The following TBC1D8 variants were observed in gnomAD, a reference collection of about 807,000 sequenced individuals.
TBC1D8 encodes the protein TBC1 domain family member 8, also known as BUB2-like protein 1.
TBC1D8 carries 65 observed loss-of-function variants against 118.8 expected under a neutral mutation model. The ratio of observed to expected loss-of-function variants is 0.55; its 90% CI spans 0.45 to 0.67. The LOEUF (loss-of-function observed/expected upper bound fraction) is 0.67. Ranked by LOEUF, TBC1D8 falls within the 30% of genes least tolerant of loss-of-function variation. The probability of loss-of-function intolerance (pLI) is 0.00; values close to 1 mark genes in which losing one functional copy is unlikely to be tolerated. For missense variants in TBC1D8, 1,376 were observed against 1,471.2 expected (o/e 0.94, Z 1.06); for synonymous variants, 566 against 595.8 (o/e 0.95, Z 0.73).
chr2:101,024,357 A>G (rs1393418223), intron 15 of TBC1D8, among the ~76,000 whole-genome samples: 1 of 149,916 alleles, frequency 6.7e-6, no homozygotes, highest in Non-Finnish European at 1.5e-5. Flanking sequence ...GTGGGTGTGG[A>G]GTGTGGGGAA....
intron 1 of TBC1D8, among the ~76,000 whole-genome samples, chr2:101,116,644 A>T (rs557915009): frequency 4.8e-5 from 7 of 145,384 alleles, no homozygotes; most frequent in East Asian, 4.0e-4. Context: ...AAAGTAGTGA[A>T]TTTTTTTTTT....
At chr2:101,030,618 T>C (rs1346081360) in intron 11 of TBC1D8, among the ~76,000 whole-genome samples, 1 of 152,252 alleles carries the variant, frequency 6.6e-6, no homozygotes, top group African/African-American at 2.4e-5. Context: ...TATTAAGTCA[T>C]ACATCTAACC....
intron 8 of TBC1D8, 122 bp from the exon 9 acceptor site, chr2:101,036,290 G>A: frequency 9.0e-6 from 10 of 1,110,398 alleles, no homozygotes; most frequent in Admixed American, 2.1e-5. Flanking sequence ...ACAGCAACGG[G>A]CAAGGACACC....
At chr2:101,015,462 C>T (rs1333532386) in intron 17 of TBC1D8, among the ~76,000 whole-genome samples, 1 of 152,186 alleles carries the variant, frequency 6.6e-6, no homozygotes, top group African/African-American at 2.4e-5. Context: ...CTTACTGTAA[C>T]TTTTTACTTT....
At chr2:101,071,813 GT>G (rs1003377765) in intron 2 of TBC1D8, among the ~76,000 whole-genome samples, 18 of 152,260 alleles carry the variant, frequency 1.2e-4, no homozygotes, top group Admixed American at 9.8e-4. Flanking sequence ...ATTTAAAAGT[GT>G]TTTTAAAGAT....
At chr2:101,083,323 T>G (rs189307225) in intron 2 of TBC1D8, among the ~76,000 whole-genome samples, 1 of 151,906 alleles carries the variant, frequency 6.6e-6, no homozygotes, top group African/African-American at 2.4e-5. Context: ...CAAAGGAGAG[T>G]TGGTGACAAG....
chr2:101,010,054 C>G (rs1421264610), intron 19 of TBC1D8, among the ~76,000 whole-genome samples: 1 of 151,892 alleles, frequency 6.6e-6, no homozygotes, highest in Non-Finnish European at 1.5e-5. Flanking sequence ...TCTCAATCTT[C>G]TGACCTCGTA....
At chr2:101,089,925 T>G (rs796068) in intron 2 of TBC1D8, among the ~76,000 whole-genome samples, 1 of 139,696 alleles carries the variant, frequency 7.2e-6, no homozygotes, top group African/African-American at 2.7e-5. Context: ...CGATGGTTTT[T>G]AAAAAAAAAA....
At chr2:101,099,673 C>T (rs1676699559) in intron 1 of TBC1D8, among the ~76,000 whole-genome samples, 1 of 152,170 alleles carries the variant, frequency 6.6e-6, no homozygotes, top group East Asian at 1.9e-4. Context: ...ATGATCAAGT[C>T]AGGTTCATCC....
chr2:101,078,669 T>C (rs1442752231), intron 2 of TBC1D8, among the ~76,000 whole-genome samples: 2 of 141,138 alleles, frequency 1.4e-5, no homozygotes, highest in East Asian at 2.2e-4. Context: ...CAGGTTTCCT[T>C]ACACTCTCCT....
intron 3 of TBC1D8, among the ~76,000 whole-genome samples, chr2:101,054,667 CT>C (rs146225304): frequency 4.7e-5 from 1 of 21,298 alleles, no homozygotes; most frequent in African/African-American, 1.7e-4. Context: ...ATTTTCTTTT[CT>C]TTTCTTTTTT....
At chr2:101,090,974 G>A (rs963435043) in intron 1 of TBC1D8, among the ~76,000 whole-genome samples, 1 of 152,138 alleles carries the variant, frequency 6.6e-6, no homozygotes, top group Non-Finnish European at 1.5e-5. Context: ...CTGCTCCAGG[G>A]TACTGTGAGA....
chr2:101,038,533 C>T lies in TBC1D8; in HGVS notation c.1203G>A (p.Ala401=), dbSNP rs540811181. Residue 401 remains alanine, a synonymous_variant, in exon 7 of 20, where the codon GCG becomes GCA. Transcript: ENST00000409318. ...ELRDRDSLVE[A]LLARLKQVHA... is the part of the protein sequence containing the mutation. ...GGACCTGCTTCAACCTCGCAAGCAGCGCCTCCACCAGGCTGTCTCGGTCCC... is the reference window on the plus strand; with the variant it reads ...GGACCTGCTTCAACCTCGCAAGCAGTGCCTCCACCAGGCTGTCTCGGTCCC... The T allele has an allele frequency of 2.5e-5, 41 of 1,613,778 alleles. No individual in the cohort carries two copies. Among genetic ancestry groups the T allele is most frequent in the East Asian group, 6.7e-5 (3 of 44,878 alleles).
chr2:101,103,856 A>C (rs900219691), intron 1 of TBC1D8, among the ~76,000 whole-genome samples: 1 of 152,312 alleles, frequency 6.6e-6, no homozygotes, highest in Admixed American at 6.5e-5. Flanking sequence ...AGTAAGATAA[A>C]AAGTGAAAAT....
chr2:101,033,437 C>T lies in TBC1D8; in HGVS notation c.1818+107G>A, dbSNP rs754243593. 1.0e-4 allele frequency: 139 copies of T among 1,384,930 alleles called. No homozygotes were observed. The highest frequency in any genetic ancestry group is 2.6e-4 in the Admixed American group (14 of 53,176). The allele number at this position is 1,384,930 out of a possible 1,614,324, so 85.8% of individuals were successfully genotyped here. A position where few individuals can be genotyped will look rare whatever the true frequency, so the allele number is the denominator to read the frequency against. On this transcript the variant is annotated intron_variant, in intron 10 of 19. Transcript: ENST00000409318. ...AGGGACCGAGTACAGCGCCTTCACA[C>T]GACAACACTCAGGACCAGATGACTG...
chr2:101,145,093 T>C (rs1376493853), intron 1 of TBC1D8, among the ~76,000 whole-genome samples: 1 of 152,146 alleles, frequency 6.6e-6, no homozygotes, highest in African/African-American at 2.4e-5. Context: ...CCTAAGGAGT[T>C]CCAATTAGGT....
At chr2:101,054,390 G>A (rs1215013812) in intron 3 of TBC1D8, 54 bp from the exon 4 acceptor site, 1 of 1,531,872 alleles carries the variant, frequency 6.5e-7, no homozygotes, top group Non-Finnish European at 8.8e-7. Context: ...GGGAAGGCAG[G>A]GGGTGCAAGG....
chr2:101,028,410 C>A lies in TBC1D8; in HGVS notation c.2245G>T (p.Glu749Ter). 1 of 1,594,330 alleles carries A rather than the reference C, an allele frequency of 6.3e-7. No individual in the cohort carries two copies. The highest frequency in any genetic ancestry group is 8.5e-7 in the Non-Finnish European group (1 of 1,171,130). ...CCAACTGGGGGCCCTGGGCTGTCCT[C>A]ATTCTTAATGTGATCTAGAAACCTG... ...LSRFLDHIKN[E>*]DSPGPPVGSH... The change falls in exon 13 of 20, where the codon GAG becomes TAG. Residue 749 changes from glutamate (E) to a stop codon, truncating the protein, a stop_gained. Transcript: ENST00000409318. LOFTEE classifies it high-confidence loss of function.
chr2:101,019,924 T>C (rs964244897), intron 17 of TBC1D8, among the ~76,000 whole-genome samples: 3 of 151,704 alleles, frequency 2.0e-5, no homozygotes, highest in African/African-American at 7.3e-5. Flanking sequence ...TACAAAAAAT[T>C]AGCTGGGCAT....
Sources: allele counts gnomAD v4.1 joint callset (sites outside exome capture counted in the v4.1 genomes callset), GRCh38; gene constraint gnomAD v4.1.1; transcripts MANE v1.5; gene names NCBI Gene and HGNC (gene_info 2026-07-23, HGNC 2026-07-21).